The following CCDC60 variants were observed in gnomAD, a reference collection of about 807,000 sequenced individuals.
CCDC60 encodes the protein coiled-coil domain containing 60.
CCDC60 carries 54 observed loss-of-function variants against 63.5 expected under a neutral mutation model. The ratio of observed to expected loss-of-function variants is 0.85; its 90% confidence interval spans 0.68 to 1.07. The LOEUF (loss-of-function observed/expected upper bound fraction) is 1.07. CCDC60 is among the 50% of genes least tolerant of loss of function. CCDC60 has a pLI of 0.00. For missense variants in CCDC60, 651 were observed against 684.3 expected (o/e 0.95, Z 0.54); for synonymous variants, 206 against 238.8 (o/e 0.86, Z 1.27).
At chr12:119,437,579 G>A (rs904236078) in intron 2 of CCDC60, among the ~76,000 whole-genome samples, 5 of 152,160 alleles carry the variant, frequency 3.3e-5, no homozygotes, top group African/African-American at 1.2e-4. Context: ...TATGAATGAG[G>A]CTGCTTTTAA....
intron 4 of CCDC60, among the ~76,000 whole-genome samples, chr12:119,484,863 G>A (rs1307953439): frequency 6.6e-6 from 1 of 152,234 alleles, no homozygotes. Context: ...TGGTGGACAG[G>A]ACTCTGTAGG....
At chr12:119,450,889 A>G (rs892923503) in intron 2 of CCDC60, among the ~76,000 whole-genome samples, 1 of 151,484 alleles carries the variant, frequency 6.6e-6, no homozygotes, top group Admixed American at 6.6e-5. Flanking sequence ...AGAGAGAGAT[A>G]AGACAAATCC....
chr12:119,537,492 C>G (rs573296774), intron 13 of CCDC60, among the ~76,000 whole-genome samples: 1 of 152,344 alleles, frequency 6.6e-6, no homozygotes, highest in African/African-American at 2.4e-5. Flanking sequence ...AGAAGAGGTG[C>G]TCCAGTTTTT....
intron 2 of CCDC60, among the ~76,000 whole-genome samples, chr12:119,448,919 C>G (rs557982177): frequency 3.3e-5 from 5 of 152,278 alleles, no homozygotes; most frequent in Admixed American, 6.5e-5. Flanking sequence ...GTTACACAAA[C>G]GCTGACTCAC....
chr12:119,532,039 A>G (rs923616768), intron 13 of CCDC60, among the ~76,000 whole-genome samples: 1 of 152,164 alleles, frequency 6.6e-6, no homozygotes, highest in Admixed American at 6.5e-5. Context: ...TCATACCAGG[A>G]GGGCCCTTCC....
At chr12:119,349,337 CT>C (rs34682909) in intron 1 of CCDC60, among the ~76,000 whole-genome samples, 27,588 of 126,256 alleles carry the variant, frequency 0.22, 3,133 homozygotes, top group Middle Eastern at 0.33. Context: ...GGGCGTGTTC[CT>C]TTTTTTTTTT....
rs1955459042 is a variant in CCDC60, at chr12:119,335,274, T to A, written c.90+8T>A. Reference sequence around the variant, plus strand: ...TCGGAGAACCTAAGGCAGGTAAGTCTCCCCTCTGCTGAAACCAATCATGTT... The same window carrying A: ...TCGGAGAACCTAAGGCAGGTAAGTCACCCCTCTGCTGAAACCAATCATGTT... On this transcript the variant is annotated splice_region_variant and intron_variant, in intron 1 of 13. Coordinates refer to ENST00000327554, the MANE Select transcript of CCDC60 (RefSeq NM_178499.5). 6.3e-7 allele frequency: 1 copy of A among 1,582,288 alleles called. No individual in the cohort carries two copies. Among genetic ancestry groups the A allele is most frequent in the Admixed American group, 1.9e-5 (1 of 53,892 alleles).
At chr12:119,400,578 C>G (rs893244865) in intron 1 of CCDC60, among the ~76,000 whole-genome samples, 12 of 152,228 alleles carry the variant, frequency 7.9e-5, no homozygotes, top group African/African-American at 2.9e-4. Context: ...GTAGTTGTCC[C>G]TCGCCTCCCA....
chr12:119,528,903 A>ACTAAAT (rs1025887683), intron 12 of CCDC60, among the ~76,000 whole-genome samples, 157 bp downstream of exon 12: 2 of 152,050 alleles, frequency 1.3e-5, no homozygotes, highest in Admixed American at 1.3e-4. Context: ...CCCCAGAAAC[A>ACTAAAT]CTAAATCCAG....
At chr12:119,411,970 G>A (rs1054359224) in intron 1 of CCDC60, among the ~76,000 whole-genome samples, 1 of 152,096 alleles carries the variant, frequency 6.6e-6, no homozygotes, top group Non-Finnish European at 1.5e-5. Flanking sequence ...GATCCCTGAG[G>A]AAAGGATGGC....
At chr12:119,360,172 C>T (rs1157745725) in intron 1 of CCDC60, among the ~76,000 whole-genome samples, 3 of 150,636 alleles carry the variant, frequency 2.0e-5, no homozygotes, top group Non-Finnish European at 4.4e-5. Context: ...GCTGACCCCC[C>T]CCCACCTCCC....
intron 1 of CCDC60, among the ~76,000 whole-genome samples, chr12:119,339,596 G>A: frequency 6.6e-6 from 1 of 152,124 alleles, no homozygotes; most frequent in East Asian, 1.9e-4. Flanking sequence ...AGACAAGCCT[G>A]GGCACTAAAG....
intron 1 of CCDC60, among the ~76,000 whole-genome samples, chr12:119,377,254 C>CAAAAAAAAAAAAA (rs60100165): frequency 7.8e-4 from 37 of 47,454 alleles, no homozygotes; most frequent in Non-Finnish European, 1.0e-3. Context: ...CACTCCATCT[C>CAAAAAAAAAAAAA]AAAAAAAAAA....
Position 119,420,852 on chromosome 12 carries a change from C to CA in CCDC60, c.91-7826dup, listed in dbSNP as rs1956799714. On this transcript the variant is annotated intron_variant, in intron 1 of 13. Transcript: ENST00000327554. This position sits in a 1 kb window ranked among gnomAD's most constrained non-coding sequence, Gnocchi z 4.1. ...AATATATGCACTTATTATGTACCCA[C>CA]AAAAATAAAAAATAAAATATTAAAA... 3.3e-5 allele frequency among the ~76,000 whole-genome samples: 5 copies of CA among 152,184 alleles called. No individual in the cohort carries two copies. The highest frequency in any genetic ancestry group is 9.6e-5 in the African/African-American group (4 of 41,552).
chr12:119,535,455 A>G (rs1952974650), intron 13 of CCDC60, among the ~76,000 whole-genome samples: 1 of 152,016 alleles, frequency 6.6e-6, no homozygotes, highest in Admixed American at 6.6e-5. Flanking sequence ...GTCTTCTGCT[A>G]GTTTTGAATT....
At chr12:119,349,273 C>T (rs1412116404) in intron 1 of CCDC60, among the ~76,000 whole-genome samples, 2 of 151,556 alleles carry the variant, frequency 1.3e-5, no homozygotes, top group Non-Finnish European at 2.9e-5. Context: ...ACATTGACTG[C>T]ATCTTATAAC....
At chr12:119,479,530 G>A (rs1205559052) in intron 4 of CCDC60, 1 of 237,224 alleles carries the variant, frequency 4.2e-6, no homozygotes, top group African/African-American at 2.3e-5. Flanking sequence ...TGTGCTCAGG[G>A]GCATGTTTTC....
At chr12:119,344,855 TCACACACACACACA>T (rs1199779284) in intron 1 of CCDC60, among the ~76,000 whole-genome samples, 26 of 114,856 alleles carry the variant, frequency 2.3e-4, no homozygotes, top group South Asian at 7.0e-4. Flanking sequence ...TCTCTCTCTC[TCACACACACACACA>T]CACACACACA....
intron 9 of CCDC60, among the ~76,000 whole-genome samples, 168 bp downstream of exon 9, chr12:119,520,360 C>T (rs934290032): frequency 2.0e-5 from 3 of 151,876 alleles, no homozygotes; most frequent in Admixed American, 1.3e-4. Context: ...CAGGGCCGGG[C>T]GTGGGAATTC....
Sources: gnomAD v4.1 joint callset for allele counts (sites outside exome capture counted in the v4.1 genomes callset) on GRCh38, gnomAD v4.1.1 for gene constraint, Gnocchi (gnomAD v3.1) non-coding constraint, MANE v1.5 for transcripts, NCBI Gene and HGNC (gene_info 2026-07-23, HGNC 2026-07-21) for gene names.